Variants in FEM1A observed in about 807,000 individuals in gnomAD.
FEM1A encodes the protein fem-1 homolog A, also known as protein fem-1 homolog A.
A neutral mutation model predicts 0.7 loss-of-function variants in FEM1A; 1 was observed. That is an observed-to-expected ratio of 1.35 (90% CI 0.48 to 6.40). FEM1A has a LOEUF of 6.40. Among genes scored for constraint, FEM1A ranks in the 30% most tolerant of loss-of-function variants. The pLI, the probability that FEM1A is intolerant of heterozygous loss-of-function variation, is 0.14. For missense variants in FEM1A, 721 were observed against 918.7 expected (o/e 0.78, Z 2.78); for synonymous variants, 391 against 420.6 (o/e 0.93, Z 0.86).
In FEM1A at chr19:4,791,947, G is replaced by A. The variant is rs947854147; in HGVS notation, c.93G>A (p.Leu31=). ...KLLSGRSREE[L]DELTGEVAGG... is the part of the protein sequence containing the mutation. Reference sequence around the variant, plus strand: ...TCAGCGGCCGGAGCCGGGAGGAACTGGACGAGCTGACGGGCGAGGTGGCCG... The same window carrying A: ...TCAGCGGCCGGAGCCGGGAGGAACTAGACGAGCTGACGGGCGAGGTGGCCG... The change falls in exon 1 of 1, where the codon CTG becomes CTA. Residue 31 remains leucine (L), a synonymous_variant. Transcript: ENST00000269856. 60 of 1,531,390 alleles carry A rather than the reference G, an allele frequency of 3.9e-5. No homozygotes were observed. In the African/African-American group the frequency reaches 7.3e-4, roughly 19 times the overall value. 94.9% of individuals were successfully genotyped at this position (1,531,390 alleles called of 1,614,324 possible).
rs1329666178 is a variant in FEM1A at position 4,800,941 on chromosome 19, T to C, written c.*7077T>C. ...AAACAGAGGGTGCTCTGACCGAGTG[T>C]TTACCAAAACATGTATTAGGCAAGA... On this transcript the variant is annotated 3_prime_UTR_variant, in exon 1 of 1. Coordinates refer to ENST00000269856, the MANE Select transcript of FEM1A (RefSeq NM_018708.3). 6.6e-6 allele frequency: 1 copy of C among 152,050 alleles called. No individual in the cohort carries two copies. The highest frequency in any genetic ancestry group is 1.5e-5 in the Non-Finnish European group (1 of 68,006). 9.4% of individuals were successfully genotyped at this position (152,050 alleles called of 1,614,324 possible). A position where few individuals can be genotyped will look rare whatever the true frequency, so the allele number is the denominator to read the frequency against.
At position 4,793,872 on chromosome 19, in the gene FEM1A, A is replaced by G. The variant is rs753650947; in HGVS notation, c.*8A>G. 8.2e-6 allele frequency: 13 copies of G among 1,589,954 alleles called. No individual in the cohort carries two copies. Among genetic ancestry groups the G allele is most frequent in the East Asian group, 2.3e-5 (1 of 43,460 alleles). On this transcript the variant is annotated 3_prime_UTR_variant, in exon 1 of 1. Transcript: ENST00000269856. This position sits in a 1 kb window ranked among gnomAD's most constrained non-coding sequence, Gnocchi z 5.1. ...TTCATCGAACTGCACTGACCTGCCC[A>G]GAACGCCTGCACCCTCACCTCTCCC... is the stretch of plus-strand genomic sequence containing the variant.
chr19:4,793,517 G>A lies in FEM1A; in HGVS notation c.1663G>A (p.Val555Met), dbSNP rs1256182933. Residue 555 changes from valine (V) to methionine (M), a missense_variant, in exon 1 of 1, where the codon GTG becomes ATG. Transcript: ENST00000269856. The surrounding 1 kb of genome is among the most constrained non-coding windows in gnomAD (Gnocchi z 5.1). ...KDTTNVGRYP[V>M]GRFPSLHVVK... ...CACCACAAACGTGGGCCGCTATCCCGTGGGCAGATTCCCCTCCCTGCACGT... is the reference window on the plus strand; with the variant it reads ...CACCACAAACGTGGGCCGCTATCCCATGGGCAGATTCCCCTCCCTGCACGT... 5 of 1,613,028 alleles carry A rather than the reference G, an allele frequency of 3.1e-6. No individual in the cohort carries two copies. In the East Asian group the frequency reaches 8.9e-5, roughly 29 times the overall value.
Position 4,800,919 on chromosome 19 carries a change from C to T in FEM1A, c.*7055C>T, listed in dbSNP as rs2093567838. The stretch of plus-strand genomic sequence containing the variant: ...CGGGGAGCTTCGGGACTGGAAAAAA[C>T]AGAGGGTGCTCTGACCGAGTGTTTA... On this transcript the variant is annotated 3_prime_UTR_variant, in exon 1 of 1. Coordinates refer to ENST00000269856, the MANE Select transcript of FEM1A (RefSeq NM_018708.3). 6.6e-6 allele frequency: 1 copy of T among 152,156 alleles called. No individual in the cohort carries two copies. Among genetic ancestry groups the T allele is most frequent in the Admixed American group, 6.5e-5 (1 of 15,268 alleles). The allele number at this position is 152,156 out of a possible 1,614,324, so 9.4% of individuals were successfully genotyped here.
In FEM1A at chr19:4,796,101, A is replaced by ATTTTG. The variant is rs1568360696; in HGVS notation, c.*2238_*2239insTTTGT. ...ATAGTGAGAGCCTGTCTTTACAAAA[A>ATTTTG]TAAAAAATAGGCTGGGTACGGTGGC... On this transcript the variant is annotated 3_prime_UTR_variant, in exon 1 of 1. Coordinates refer to ENST00000269856, the MANE Select transcript of FEM1A (RefSeq NM_018708.3). The ATTTTG allele has an allele frequency of 6.6e-6, 1 of 152,014 alleles. No individual in the cohort carries two copies. The highest frequency in any genetic ancestry group is 6.6e-5 in the Admixed American group (1 of 15,238). The allele number at this position is 152,014 out of a possible 1,614,324, so 9.4% of individuals were successfully genotyped here.
rs1043425609 is a variant in FEM1A at position 4,791,755 on chromosome 19, C to T, written c.-100C>T. The T allele has an allele frequency of 3.2e-5, 39 of 1,231,438 alleles. No individual in the cohort carries two copies. In the South Asian group the frequency reaches 3.7e-4, roughly 12 times the overall value. The allele number at this position is 1,231,438 out of a possible 1,614,324, so 76.3% of individuals were successfully genotyped here. A position where few individuals can be genotyped will look rare whatever the true frequency, so the allele number is the denominator to read the frequency against. Reference sequence around the variant, plus strand: ...GCCCGAGGAGACCCTAAGATGGCGGCGAGGGGGACGGTGAAGGTTGCCTCC... The same window carrying T: ...GCCCGAGGAGACCCTAAGATGGCGGTGAGGGGGACGGTGAAGGTTGCCTCC... On this transcript the variant is annotated 5_prime_UTR_variant, in exon 1 of 1. Coordinates refer to ENST00000269856, the MANE Select transcript of FEM1A (RefSeq NM_018708.3).
rs1213372058 is a variant in FEM1A, at chr19:4,797,328, ATTT to A, written c.*3468_*3470del. On this transcript the variant is annotated 3_prime_UTR_variant, in exon 1 of 1. Coordinates refer to ENST00000269856, the MANE Select transcript of FEM1A (RefSeq NM_018708.3). ...AGGCACCTGCCACCATGCCCGGCTA[ATTT>A]TTTGTATTTTTAGTAGAGATGGGGT... is the stretch of plus-strand genomic sequence containing the variant. 2.0e-5 allele frequency: 3 copies of A among 151,554 alleles called. No individual in the cohort carries two copies. Among genetic ancestry groups the A allele is most frequent in the African/African-American group, 7.3e-5 (3 of 41,246 alleles). The allele number at this position is 151,554 out of a possible 1,614,324, so 9.4% of individuals were successfully genotyped here.
rs1555728950 is a variant in FEM1A, at chr19:4,799,918, A to AAATAAAAAAT, written c.*6056_*6057insTAAAAAATAA. 2 of 145,006 alleles carry AAATAAAAAAT rather than the reference A, an allele frequency of 1.4e-5. No individual in the cohort carries two copies. The highest frequency in any genetic ancestry group is 1.4e-4 in the Admixed American group (2 of 14,262). The allele number at this position is 145,006 out of a possible 1,614,324, so 9.0% of individuals were successfully genotyped here. On this transcript the variant is annotated 3_prime_UTR_variant, in exon 1 of 1. Transcript: ENST00000269856. Reference sequence around the variant, plus strand: ...AGACTCTGTCTCAAAAAAAAAAAAAAAAAAAAAAAAAAAAATGGGGCCATC... The same window carrying AAATAAAAAAT: ...AGACTCTGTCTCAAAAAAAAAAAAAAAATAAAAAATAAAAAAAAAAAAAAATGGGGCCATC...
At position 4,794,992 on chromosome 19, in the gene FEM1A, G is replaced by A. The variant is rs559963531; in HGVS notation, c.*1128G>A. The stretch of plus-strand genomic sequence containing the variant: ...ACAGGTGGCCCGAGCTGTTCTTTCA[G>A]CTGCTCCAAGGATTGAGACCCAAGT... On this transcript the variant is annotated 3_prime_UTR_variant, in exon 1 of 1. Coordinates refer to ENST00000269856, the MANE Select transcript of FEM1A (RefSeq NM_018708.3). 1 of 167,010 alleles carries A rather than the reference G, an allele frequency of 6.0e-6. No homozygotes were observed. The highest frequency in any genetic ancestry group is 1.5e-5 in the Non-Finnish European group (1 of 68,124). 10.3% of individuals were successfully genotyped at this position (167,010 alleles called of 1,614,324 possible). A position where few individuals can be genotyped will look rare whatever the true frequency, so the allele number is the denominator to read the frequency against.
At position 4,793,215 on chromosome 19, in the gene FEM1A, G is replaced by A. The variant is rs150899269; in HGVS notation, c.1361G>A (p.Ser454Asn). The A allele has an allele frequency of 7.9e-5, 127 of 1,613,370 alleles. No individual in the cohort carries two copies. The highest frequency in any genetic ancestry group is 2.2e-5 in the East Asian group (1 of 44,888). Residue 454 changes from serine to asparagine, a missense_variant, in exon 1 of 1, where the codon AGC (serine) becomes AAC (asparagine). By Grantham distance (46) the Ser-to-Asn change is conservative. Around this residue, in one of 4 missense-constraint regions of FEM1A, gnomAD observed 379 missense variants for 454.8 expected, o/e 0.83. Transcript: ENST00000269856. This position sits in a 1 kb window ranked among gnomAD's most constrained non-coding sequence, Gnocchi z 5.1. Reference protein sequence around the residue: ...YVLQDRAAKGSLGTQIGFADL... With the variant: ...YVLQDRAAKGNLGTQIGFADL... ...CTTCAGGACCGGGCCGCCAAAGGCA[G>A]CCTGGGCACCCAGATCGGCTTTGCA...
Position 4,791,739 on chromosome 19 carries a change from G to C in FEM1A, c.-116G>C. The C allele has an allele frequency of 9.1e-7, 1 of 1,103,254 alleles. No individual in the cohort carries two copies. The highest frequency in any genetic ancestry group is 1.7e-5 in the African/African-American group (1 of 60,074). 68.3% of individuals were successfully genotyped at this position (1,103,254 alleles called of 1,614,324 possible). On this transcript the variant is annotated 5_prime_UTR_variant, in exon 1 of 1. Transcript: ENST00000269856. ...GCAGCCATTTTGTTCCGCCCGAGGA[G>C]ACCCTAAGATGGCGGCGAGGGGGAC...
chr19:4,793,663 A>T lies in FEM1A; in HGVS notation c.1809A>T (p.Ala603=), dbSNP rs773879421. 3.1e-6 allele frequency: 5 copies of T among 1,613,048 alleles called. No homozygotes were observed. The South Asian group carries it at 4.4e-5, about 14-fold the overall frequency. The change falls in exon 1 of 1, where the codon GCA becomes GCT. Residue 603 remains alanine (A), a synonymous_variant. Transcript: ENST00000269856. This position sits in a 1 kb window ranked among gnomAD's most constrained non-coding sequence, Gnocchi z 5.1. The part of the protein sequence containing the change: ...CPAIMNALIE[A]GAHMDATNAF... ...CCATCATGAATGCCCTGATCGAAGC[A>T]GGGGCCCACATGGACGCCACCAATG...
chr19:4,793,199 C>T lies in FEM1A; in HGVS notation c.1345C>T (p.Arg449Trp), dbSNP rs2093556776. 2 of 1,613,440 alleles carry T rather than the reference C, an allele frequency of 1.2e-6. No homozygotes were observed. Among genetic ancestry groups the T allele is most frequent in the Non-Finnish European group, 1.7e-6 (2 of 1,180,030 alleles). The change falls in exon 1 of 1, where the codon CGG becomes TGG. Residue 449 changes from arginine to tryptophan, a missense_variant. By Grantham distance (101) the Arg-to-Trp change is moderately radical (BLOSUM62 -3). Around this residue, in one of 4 missense-constraint regions of FEM1A, gnomAD observed 379 missense variants for 454.8 expected, o/e 0.83. Transcript: ENST00000269856. The surrounding 1 kb of genome is among the most constrained non-coding windows in gnomAD (Gnocchi z 5.1). ...ACTCTTCTCCTACGTGCTTCAGGACCGGGCCGCCAAAGGCAGCCTGGGCAC... is the reference window on the plus strand; with the variant it reads ...ACTCTTCTCCTACGTGCTTCAGGACTGGGCCGCCAAAGGCAGCCTGGGCAC... ...AELFSYVLQDRAAKGSLGTQI... is the reference protein window; with the variant it reads ...AELFSYVLQDWAAKGSLGTQI...
chr19:4,800,039 A>G lies in FEM1A; in HGVS notation c.*6175A>G, dbSNP rs2146155839. On this transcript the variant is annotated 3_prime_UTR_variant, in exon 1 of 1. Transcript: ENST00000269856. ...AAAGCTCAGAGAGCTCAAGTGGAGTACCTAAGGCCACACAGCCAAGAGGGA... is the reference window on the plus strand; with the variant it reads ...AAAGCTCAGAGAGCTCAAGTGGAGTGCCTAAGGCCACACAGCCAAGAGGGA... The G allele has an allele frequency of 6.6e-6, 1 of 152,026 alleles. No homozygotes were observed. Among genetic ancestry groups the G allele is most frequent in the Admixed American group, 6.6e-5 (1 of 15,188 alleles). 9.4% of individuals were successfully genotyped at this position (152,026 alleles called of 1,614,324 possible).
chr19:4,792,099 A>T lies in FEM1A; in HGVS notation c.245A>T (p.Glu82Val), dbSNP rs1304259594. 1.3e-6 allele frequency: 2 copies of T among 1,524,274 alleles called. No individual in the cohort carries two copies. Among genetic ancestry groups the T allele is most frequent in the South Asian group, 1.2e-5 (1 of 83,430 alleles). 94.4% of individuals were successfully genotyped at this position (1,524,274 alleles called of 1,614,324 possible). A position where few individuals can be genotyped will look rare whatever the true frequency, so the allele number is the denominator to read the frequency against. The change falls in exon 1 of 1, where the codon GAG (glutamate) becomes GTG (valine). Residue 82 changes from glutamate to valine, a missense_variant. Glu to Val is a moderately radical substitution (Grantham distance 121). Transcript: ENST00000269856. This position sits in a 1 kb window ranked among gnomAD's most constrained non-coding sequence, Gnocchi z 6.7. ...GTGCACTTCGATGGCGAGACCATCG[A>T]GGGCGCGCCGCCGCTGTGGGCCGCC... Reference protein sequence around the residue: ...GSVHFDGETIEGAPPLWAASA... With the variant: ...GSVHFDGETIVGAPPLWAASA...
Position 4,793,044 on chromosome 19 carries a change from G to T in FEM1A, c.1190G>T (p.Gly397Val). ...PDTSYYIRYR[G>V]AVYADSGNFE... ...ACTTCCTATTACATCCGTTACAGGG[G>T]TGCCGTGTACGCCGACTCGGGCAAT... The change falls in exon 1 of 1, where the codon GGT (glycine) becomes GTT (valine). Residue 397 changes from glycine to valine, a missense_variant. Physicochemically the swap from Gly to Val is moderately radical, Grantham distance 109. Transcript: ENST00000269856. This position sits in a 1 kb window ranked among gnomAD's most constrained non-coding sequence, Gnocchi z 5.1. 6.2e-7 allele frequency: 1 copy of T among 1,613,552 alleles called. No homozygotes were observed. Among genetic ancestry groups the T allele is most frequent in the Non-Finnish European group, 8.5e-7 (1 of 1,180,022 alleles).
rs1424298546 is a variant in FEM1A at position 4,800,578 on chromosome 19, C to T, written c.*6714C>T. Reference sequence around the variant, plus strand: ...CTCAGCACCCACGCCAGGGTCTGTCCCACGCCAGGTGGCCTGTAAATATGG... The same window carrying T: ...CTCAGCACCCACGCCAGGGTCTGTCTCACGCCAGGTGGCCTGTAAATATGG... On this transcript the variant is annotated 3_prime_UTR_variant, in exon 1 of 1. Coordinates refer to ENST00000269856, the MANE Select transcript of FEM1A (RefSeq NM_018708.3). 6.6e-6 allele frequency: 1 copy of T among 152,338 alleles called. No individual in the cohort carries two copies. The highest frequency in any genetic ancestry group is 1.9e-4 in the East Asian group (1 of 5,194). 9.4% of individuals were successfully genotyped at this position (152,338 alleles called of 1,614,324 possible).
rs1236987766 is a variant in FEM1A at position 4,792,484 on chromosome 19, A to G, written c.630A>G (p.Glu210=). 10 of 1,597,534 alleles carry G rather than the reference A, an allele frequency of 6.3e-6. No individual in the cohort carries two copies. The highest frequency in any genetic ancestry group is 8.5e-6 in the Non-Finnish European group (10 of 1,179,644). The change falls in exon 1 of 1, where the codon GAA becomes GAG. Residue 210 remains glutamate, a synonymous_variant. Transcript: ENST00000269856. The surrounding 1 kb of genome is among the most constrained non-coding windows in gnomAD (Gnocchi z 6.7). ...TGCTGGGGTGCAAGGCCCGCATGGA[A>G]CGTGACGGCTACGGCATGACCCCGC... is the stretch of plus-strand genomic sequence containing the variant. ...QLLLGCKARM[E]RDGYGMTPLL...
rs771712846 is a variant in FEM1A, at chr19:4,793,781, G to A, written c.1927G>A (p.Ala643Thr). ...CAACTACGTGACCCTGCAGTGCCTT[G>A]CGGCCCGGGCCCTGGATAAGAACAA... ...PFNYVTLQCL[A>T]ARALDKNKIP... Residue 643 changes from alanine (A) to threonine (T), a missense_variant, in exon 1 of 1, where the codon GCG (alanine) becomes ACG (threonine). By Grantham distance (58) the Ala-to-Thr change is moderately conservative (BLOSUM62 0). Coordinates refer to ENST00000269856, the MANE Select transcript of FEM1A (RefSeq NM_018708.3). The surrounding 1 kb of genome is among the most constrained non-coding windows in gnomAD (Gnocchi z 5.1). The A allele has an allele frequency of 6.2e-7, 1 of 1,611,478 alleles. No homozygotes were observed. The highest frequency in any genetic ancestry group is 8.5e-7 in the Non-Finnish European group (1 of 1,179,590).
Sources: gnomAD v4.1 joint callset for allele counts on GRCh38, gnomAD v4.1.1 for gene constraint, gnomAD v4.1.1 regional missense constraint, Gnocchi (gnomAD v3.1) non-coding constraint, MANE v1.5 for transcripts, NCBI Gene and HGNC (gene_info 2026-07-23, HGNC 2026-07-21) for gene names.